The following ZNF680 variants were observed in gnomAD, a reference collection of about 807,000 sequenced individuals.
ZNF680 encodes the protein hypothetical protein FLJ90430.
ZNF680 carries 6 observed loss-of-function variants against 12.1 expected under a neutral mutation model. The ratio of observed to expected loss-of-function variants is 0.49; its 90% CI spans 0.27 to 0.98. The LOEUF is 0.98. Among genes scored for constraint, ZNF680 ranks in the 50% least tolerant of loss-of-function variants. The pLI is 0.12. For synonymous variants in ZNF680, 170 were observed against 199.3 expected, an observed-to-expected ratio of 0.85 and a Z score of 1.24; for missense variants, 561 against 616.3, an observed-to-expected ratio of 0.91 and a Z score of 0.95.
At chr7:64,533,040 T>C (rs1009210473) in intron 3 of ZNF680, among the ~76,000 whole-genome samples, 4 of 152,198 alleles carry the variant, frequency 2.6e-5, no homozygotes, top group Non-Finnish European at 5.9e-5. Flanking sequence ...AAGTCATCTA[T>C]GACAAACCCA....
At chr7:64,511,010 G>A in the ZNF680 span, among the ~76,000 whole-genome samples, 15 of 151,418 alleles carry the variant, frequency 9.9e-5, no homozygotes, top group Admixed American at 9.9e-4. Context: ...GGTGGCTCAT[G>A]CCTGTAATCC....
Position 64,562,917 on chromosome 7 carries a change from A to G in ZNF680, c.30+8T>C, listed in dbSNP as rs749677671. 3.7e-6 allele frequency: 6 copies of G among 1,612,972 alleles called. No homozygotes were observed. The South Asian group carries it at 6.6e-5, about 18-fold the overall frequency. Reference sequence around the variant, plus strand: ...CCCCTCTCTCGGGGTGTCGGACCGCACTCTCACCATTTCTAGGCTTCCAGG... The same window carrying G: ...CCCCTCTCTCGGGGTGTCGGACCGCGCTCTCACCATTTCTAGGCTTCCAGG... On this transcript the variant is annotated splice_region_variant and intron_variant, in intron 1 of 3. Transcript: ENST00000309683.
Position 64,555,693 on chromosome 7 carries a change from C to T in ZNF680, c.30+7232G>A, listed in dbSNP as rs187627686. Among the ~76,000 whole-genome samples the T allele has an allele frequency of 6.1e-5, 9 of 147,894 alleles. No individual in the cohort carries two copies. In the East Asian group the frequency reaches 7.9e-4, roughly 13 times the overall value. On this transcript the variant is annotated intron_variant, in intron 1 of 3. Coordinates refer to ENST00000309683, the MANE Select transcript of ZNF680 (RefSeq NM_178558.5). ...TGAAGATTTAAACAGAAAAAAAATA[C>T]GAGACCAAAAAATCCAGGAATTAAA...
chr7:64,538,698 T>C (rs1180199940), intron 3 of ZNF680, among the ~76,000 whole-genome samples: 2 of 152,204 alleles, frequency 1.3e-5, no homozygotes, highest in African/African-American at 2.4e-5. Flanking sequence ...TATTTACAAA[T>C]GTTATAAATG....
At chr7:64,527,249 A>T (rs61195124) in intron 3 of ZNF680, among the ~76,000 whole-genome samples, 2,357 of 152,228 alleles carry the variant, frequency 0.015, 67 homozygotes, top group African/African-American at 0.054. Context: ...AAATAAATAA[A>T]TAAATAAATA....
chr7:64,556,064 G>A (rs1383549505), intron 1 of ZNF680, among the ~76,000 whole-genome samples: 1 of 151,570 alleles, frequency 6.6e-6, no homozygotes, highest in African/African-American at 2.4e-5. Context: ...CACCTAATCA[G>A]GGAGGTGAAA....
In ZNF680 at chr7:64,519,933, A is replaced by C. The variant is rs960954486; in HGVS notation, c.*1228T>G. ...AATTAAGCTTATACATAATCTAAAAATTTTCAAATGTACTGCATTTATAGC... is the reference window on the plus strand; with the variant it reads ...AATTAAGCTTATACATAATCTAAAACTTTTCAAATGTACTGCATTTATAGC... On this transcript the variant is annotated 3_prime_UTR_variant, in exon 4 of 4. Coordinates refer to ENST00000309683, the MANE Select transcript of ZNF680 (RefSeq NM_178558.5). 3.3e-5 allele frequency: 5 copies of C among 151,848 alleles called. No homozygotes were observed. The highest frequency in any genetic ancestry group is 1.2e-4 in the African/African-American group (5 of 41,418). The allele number at this position is 151,848 out of a possible 1,614,324, so 9.4% of individuals were successfully genotyped here.
chr7:64,513,222 A>T, the ZNF680 span, among the ~76,000 whole-genome samples: 2 of 130,464 alleles, frequency 1.5e-5, no homozygotes, highest in Admixed American at 1.6e-4. Flanking sequence ...AAAACTACTA[A>T]AAAAAATTTA....
At chr7:64,517,703 AT>A (rs1002034625), downstream of ZNF680, among the ~76,000 whole-genome samples, 23 of 152,174 alleles carry the variant, frequency 1.5e-4, no homozygotes, top group African/African-American at 4.6e-4. Flanking sequence ...AAAAAAAAAA[AT>A]CTAACTGAAT....
chr7:64,508,129 A>G, the ZNF680 span, among the ~76,000 whole-genome samples: 3 of 80,660 alleles, frequency 3.7e-5, no homozygotes, highest in African/African-American at 1.5e-4. Flanking sequence ...AAATGTATAT[A>G]TATATATATA....
At chr7:64,531,612 A>C (rs1005063423) in intron 3 of ZNF680, among the ~76,000 whole-genome samples, 14 of 151,750 alleles carry the variant, frequency 9.2e-5, no homozygotes, top group African/African-American at 3.4e-4. Context: ...AAAAAAAAAA[A>C]AAACCTAGAA....
At chr7:64,526,782 A>G (rs984164202) in intron 3 of ZNF680, among the ~76,000 whole-genome samples, 3 of 152,216 alleles carry the variant, frequency 2.0e-5, no homozygotes, top group African/African-American at 7.2e-5. Context: ...ACTGGAAAAC[A>G]TATTAGTTTT....
intron 3 of ZNF680, among the ~76,000 whole-genome samples, chr7:64,541,449 A>T (rs1053968721): frequency 1.3e-5 from 2 of 152,140 alleles, no homozygotes; most frequent in African/African-American, 4.8e-5. Context: ...CACACCTGTA[A>T]TGACAGCTAC....
intron 3 of ZNF680, among the ~76,000 whole-genome samples, chr7:64,532,297 T>A: frequency 6.9e-6 from 1 of 145,676 alleles, no homozygotes. Context: ...AGAGAGAGAC[T>A]CCATCTCAAA....
At chr7:64,500,982 C>T in the ZNF680 span, 1 of 668,732 alleles carries the variant, frequency 1.5e-6, no homozygotes, top group Non-Finnish European at 2.8e-6. Flanking sequence ...AAGGGCTTTG[C>T]CTTTGTTCAA....
At chr7:64,558,073 G>A (rs896172668) in intron 1 of ZNF680, among the ~76,000 whole-genome samples, 1 of 152,186 alleles carries the variant, frequency 6.6e-6, no homozygotes, top group African/African-American at 2.4e-5. Context: ...GGAAGGACTT[G>A]TTTGCCCTAC....
intron 3 of ZNF680, among the ~76,000 whole-genome samples, chr7:64,534,651 C>G (rs772748213): frequency 1.3e-5 from 2 of 152,120 alleles, no homozygotes; most frequent in Admixed American, 1.3e-4. Flanking sequence ...CCCAGCAATC[C>G]CACTATTGGG....
the ZNF680 span, among the ~76,000 whole-genome samples, chr7:64,510,922 TA>T: frequency 1.5e-3 from 49 of 33,106 alleles, 8 homozygotes; most frequent in Non-Finnish European, 2.4e-3. Context: ...AAAAAAAAAA[TA>T]AAAAATAAAA....
chr7:64,533,996 C>A (rs1284137526), intron 3 of ZNF680, among the ~76,000 whole-genome samples: 2 of 152,082 alleles, frequency 1.3e-5, no homozygotes, highest in East Asian at 1.9e-4. Context: ...TTATCTCTCA[C>A]CTTATACAAA....
Sources: gnomAD v4.1 joint callset for allele counts (sites outside exome capture counted in the v4.1 genomes callset) on GRCh38, gnomAD v4.1.1 for gene constraint, MANE v1.5 for transcripts, NCBI Gene and HGNC (gene_info 2026-07-23, HGNC 2026-07-21) for gene names.